The following CEP120 variants were observed in gnomAD, a reference collection of about 807,000 sequenced individuals.
The protein encoded by CEP120 is centrosomal protein of 120 kDa.
CEP120 carries 113 observed loss-of-function variants against 126.5 expected under a neutral mutation model. That is an observed-to-expected ratio of 0.89 (90% CI 0.77 to 1.04). CEP120 has a LOEUF of 1.04. Among genes scored for constraint, CEP120 ranks in the 50% least tolerant of loss-of-function variants. The pLI is 0.00. For missense variants in CEP120, 1,230 were observed against 1,155.7 expected, an observed-to-expected ratio of 1.06 and a Z score of -0.93; for synonymous variants, 400 against 394.3, an observed-to-expected ratio of 1.01 and a Z score of -0.17.
At position 123,399,183 on chromosome 5, in the gene CEP120, A is replaced by G; in HGVS notation, c.565T>C (p.Ser189Pro). Residue 189 changes from serine (S) to proline (P), a missense_variant, in exon 5 of 20, where the codon TCC becomes CCC. Physicochemically the swap from Ser to Pro is moderately conservative, Grantham distance 74. Transcript: ENST00000306467. ...QIGPAEYCTD[S>P]FIMSVTIAFA... is the part of the protein sequence containing the mutation. The stretch of plus-strand genomic sequence containing the variant: ...GCTATGGTCACTGACATAATAAAGG[A>G]GTCAGTACAGTATTCTGCTGGTCCA... 1 of 1,613,344 alleles carries G rather than the reference A, an allele frequency of 6.2e-7. No homozygotes were observed. Among genetic ancestry groups the G allele is most frequent in the Non-Finnish European group, 8.5e-7 (1 of 1,179,284 alleles).
intron 10 of CEP120, among the ~76,000 whole-genome samples, chr5:123,385,793 A>G (rs1219884184): frequency 6.6e-6 from 1 of 151,904 alleles, no homozygotes; most frequent in Admixed American, 6.6e-5. Flanking sequence ...TTGTAGAGAC[A>G]GGGTTTCACC....
intron 5 of CEP120, among the ~76,000 whole-genome samples, chr5:123,397,309 A>T (rs949770300): frequency 2.0e-5 from 3 of 152,186 alleles, no homozygotes; most frequent in Admixed American, 2.0e-4. Flanking sequence ...GGGTGACAAG[A>T]GCGAGGCTCC....
chr5:123,408,205 C>T (rs1773819187), intron 4 of CEP120, among the ~76,000 whole-genome samples: 1 of 151,992 alleles, frequency 6.6e-6, no homozygotes, highest in Non-Finnish European at 1.5e-5. Context: ...TCTAAGCTTC[C>T]ACCTTAGGAA....
In CEP120 at chr5:123,346,547, ATC is replaced by A; in HGVS notation, c.2931_2932del (p.Glu977AspfsTer9). 2 of 1,611,572 alleles carry A rather than the reference ATC, an allele frequency of 1.2e-6. No individual in the cohort carries two copies. The highest frequency in any genetic ancestry group is 1.3e-5 in the African/African-American group (1 of 74,862). ...ATTACTGGCATTGCTTTTTGCCAAA[ATC>A]TCTCTGATCTGTCGGTCGAGTTCAC... is the stretch of plus-strand genomic sequence containing the variant. On this transcript the variant is annotated frameshift_variant, in exon 20 of 20. Coordinates refer to ENST00000306467, the MANE Select transcript of CEP120 (RefSeq NM_001375405.1). LOFTEE classifies it high-confidence loss of function.
intron 1 of CEP120, among the ~76,000 whole-genome samples, chr5:123,420,126 T>C (rs978263640): frequency 4.6e-5 from 7 of 152,164 alleles, no homozygotes; most frequent in African/African-American, 1.7e-4. Context: ...ATCGCACAGC[T>C]CTCCCAATTA....
rs1359795456 is a variant in CEP120, at chr5:123,347,839, G to A, written c.2727-1086C>T. 2.6e-5 allele frequency among the ~76,000 whole-genome samples: 4 copies of A among 152,024 alleles called. No homozygotes were observed. The East Asian group carries it at 7.7e-4, about 29-fold the overall frequency. On this transcript the variant is annotated intron_variant, in intron 19 of 19. Transcript: ENST00000306467. Reference sequence around the variant, plus strand: ...TTTGTATATATATATTGTTTTTAGAGACGACATTTCATTATGTTTTCCAGG... The same window carrying A: ...TTTGTATATATATATTGTTTTTAGAAACGACATTTCATTATGTTTTCCAGG...
rs777687497 is a variant in CEP120, at chr5:123,349,981, G to A, written c.2689C>T (p.Arg897Ter). 5.0e-6 allele frequency: 8 copies of A among 1,613,176 alleles called. No homozygotes were observed. Among genetic ancestry groups the A allele is most frequent in the African/African-American group, 1.3e-5 (1 of 74,804 alleles). The change falls in exon 19 of 20, where the codon CGA becomes TGA. Residue 897 changes from arginine to a stop codon, truncating the protein, a stop_gained. Coordinates refer to ENST00000306467, the MANE Select transcript of CEP120 (RefSeq NM_001375405.1). LOFTEE classifies it high-confidence loss of function. Reference sequence around the variant, plus strand: ...TTTCTTATATCCAACAATTCTTGTCGCTCGGTTTTTACTGTATCTTTTTCC... The same window carrying A: ...TTTCTTATATCCAACAATTCTTGTCACTCGGTTTTTACTGTATCTTTTTCC... ...AEEKDTVKTE[R>*]QELLDIRNEL...
rs2126956715 is a variant in CEP120 at position 123,346,266 on chromosome 5, G to A, written c.*253C>T. On this transcript the variant is annotated 3_prime_UTR_variant, in exon 20 of 20. Transcript: ENST00000306467. ...TGTTTTGAAAGTTAGTTAGCCATCA[G>A]ATTATAAACTATGAAAAACACTGAA... 1 of 382,470 alleles carries A rather than the reference G, an allele frequency of 2.6e-6. No homozygotes were observed. Among genetic ancestry groups the A allele is most frequent in the Non-Finnish European group, 4.7e-6 (1 of 214,372 alleles). 23.7% of individuals were successfully genotyped at this position (382,470 alleles called of 1,614,324 possible). A position where few individuals can be genotyped will look rare whatever the true frequency, so the allele number is the denominator to read the frequency against.
At chr5:123,415,892 G>T in intron 3 of CEP120, 118 bp downstream of exon 3, 3 of 576,800 alleles carry the variant, frequency 5.2e-6, no homozygotes, top group South Asian at 3.0e-5. Context: ...CTGCCATATT[G>T]GCTCAAGTCT....
At chr5:123,414,481 A>G (rs767137933) in intron 3 of CEP120, among the ~76,000 whole-genome samples, 3 of 152,240 alleles carry the variant, frequency 2.0e-5, no homozygotes, top group Non-Finnish European at 4.4e-5. Flanking sequence ...TTAGTAAAAG[A>G]TAAGTTTTTC....
chr5:123,415,476 A>G (rs1774326677), intron 3 of CEP120, among the ~76,000 whole-genome samples: 2 of 152,250 alleles, frequency 1.3e-5, no homozygotes, highest in Admixed American at 1.3e-4. Context: ...CAACTTGGAT[A>G]CAAGTCAGTT....
rs114064916 is a variant in CEP120, at chr5:123,365,112, T to C, written c.2482-518A>G. Reference sequence around the variant, plus strand: ...CTGAAATGTTTTATCAGAAAGCAGTTTACTAAGAAAGAGTACAAAGTCAAA... The same window carrying C: ...CTGAAATGTTTTATCAGAAAGCAGTCTACTAAGAAAGAGTACAAAGTCAAA... On this transcript the variant is annotated intron_variant, in intron 17 of 19. Transcript: ENST00000306467. Among the ~76,000 whole-genome samples, 1,045 of 151,706 alleles carry C rather than the reference T, an allele frequency of 6.9e-3. 16 individuals carry two copies. Among genetic ancestry groups the C allele is most frequent in the African/African-American group, 0.024 (985 of 41,482 alleles).
At chr5:123,375,945 C>T (rs1771185212) in intron 16 of CEP120, among the ~76,000 whole-genome samples, 1 of 151,510 alleles carries the variant, frequency 6.6e-6, no homozygotes, top group Non-Finnish European at 1.5e-5. Flanking sequence ...ATCTAATCTA[C>T]ATTGGAATTT....
At chr5:123,367,678 A>G (rs1240883881) in intron 17 of CEP120, among the ~76,000 whole-genome samples, 1 of 152,004 alleles carries the variant, frequency 6.6e-6, no homozygotes, top group African/African-American at 2.4e-5. Flanking sequence ...GATCCCAAGC[A>G]TTTTGGATAA....
intron 18 of CEP120, among the ~76,000 whole-genome samples, chr5:123,355,874 T>A (rs80116414): frequency 0.68 from 97,804 of 144,704 alleles, 33,337 homozygotes; most frequent in Middle Eastern, 0.73. Flanking sequence ...CTGAATGGTA[T>A]TACCTAGGTT....
In CEP120 at chr5:123,399,199, T is replaced by G; in HGVS notation, c.549A>C (p.Ala183=). The G allele has an allele frequency of 6.2e-7, 1 of 1,614,100 alleles. No homozygotes were observed. Among genetic ancestry groups the G allele is most frequent in the Non-Finnish European group, 8.5e-7 (1 of 1,179,934 alleles). ...TAATAAAGGAGTCAGTACAGTATTC[T>G]GCTGGTCCAATCTGATGGTAGCCTC... is the stretch of plus-strand genomic sequence containing the variant. The part of the protein sequence containing the change: ...EEGGYHQIGP[A]EYCTDSFIMS... The change falls in exon 5 of 20, where the codon GCA becomes GCC. Residue 183 remains alanine (A), a synonymous_variant. Transcript: ENST00000306467.
intron 1 of CEP120, chr5:123,422,388 G>T: frequency 2.2e-6 from 2 of 927,414 alleles, no homozygotes; most frequent in Non-Finnish European, 3.3e-6. Flanking sequence ...AATCAGGACT[G>T]TTTCATTCTT....
At chr5:123,384,526 A>C (rs1771890043) in intron 11 of CEP120, among the ~76,000 whole-genome samples, 3 of 152,178 alleles carry the variant, frequency 2.0e-5, no homozygotes, top group Non-Finnish European at 4.4e-5. Context: ...ATGTCCTCAG[A>C]CTTTTGATTT....
At chr5:123,415,850 T>A (rs2127135109) in intron 3 of CEP120, among the ~76,000 whole-genome samples, 160 bp downstream of exon 3, 1 of 151,706 alleles carries the variant, frequency 6.6e-6, no homozygotes. Flanking sequence ...CCAGCCTGGA[T>A]AACAGAGACT....
Sources: gnomAD v4.1 joint callset for allele counts (sites outside exome capture counted in the v4.1 genomes callset) on GRCh38, gnomAD v4.1.1 for gene constraint, MANE v1.5 for transcripts, NCBI Gene and HGNC (gene_info 2026-07-23, HGNC 2026-07-21) for gene names.